The following HIP1 variants were observed in gnomAD, a reference collection of about 807,000 sequenced individuals.
HIP1 encodes huntingtin-interacting protein 1.
In HIP1, 65 loss-of-function variants were observed where a neutral mutation model predicts 147.6. That is an observed-to-expected ratio of 0.44 (90% CI 0.36 to 0.54). HIP1 has a LOEUF of 0.54. HIP1 is among the 20% of genes least tolerant of loss of function. The pLI, the probability that HIP1 is intolerant of heterozygous loss-of-function variation, is 0.00. For missense variants in HIP1, 1,061 were observed against 1,299.6 expected (o/e 0.82, Z 2.82); for synonymous variants, 479 against 504.0 (o/e 0.95, Z 0.67).
At chr7:75,554,046 A>C (rs587774574) in intron 21 of HIP1, 67 bp downstream of exon 21, 1 of 1,254,564 alleles carries the variant, frequency 8.0e-7, no homozygotes, top group South Asian at 1.2e-5. Flanking sequence ...CGCCCGGCCC[A>C]ACAGAGACTT....
intron 1 of HIP1, among the ~76,000 whole-genome samples, chr7:75,722,257 C>T (rs1409558547): frequency 1.3e-5 from 2 of 152,210 alleles, no homozygotes; most frequent in Non-Finnish European, 1.5e-5. Context: ...CTGCAGTGAA[C>T]CGTAATTATG....
At chr7:75,610,828 T>G (rs1459329611) in intron 1 of HIP1, among the ~76,000 whole-genome samples, 1 of 148,418 alleles carries the variant, frequency 6.7e-6, no homozygotes, top group African/African-American at 2.5e-5. Flanking sequence ...CATGGTAAGA[T>G]CCCATCACTA....
intron 1 of HIP1, among the ~76,000 whole-genome samples, chr7:75,624,020 G>GCA (rs1797945848): frequency 6.6e-6 from 1 of 152,196 alleles, no homozygotes; most frequent in Non-Finnish European, 1.5e-5. Context: ...GGTCAACGCT[G>GCA]CAGTGAGCTA....
chr7:75,670,786 C>CTTTTTTTTTT lies in HIP1; in HGVS notation c.120+68005_120+68014dup, dbSNP rs782710876. Among the ~76,000 whole-genome samples, 191 of 122,820 alleles carry CTTTTTTTTTT rather than the reference C, an allele frequency of 1.6e-3. 7 individuals carry two copies. The highest frequency in any genetic ancestry group is 1.9e-3 in the South Asian group (7 of 3,694). The allele number at this position is 122,820 out of a possible 152,430, so 80.6% of individuals were successfully genotyped here. ...GCTCACTGTACTCAGCTAATTAAAA[C>CTTTTTTTTTT]TTTTTTTTTTTTTTTGGTAGAGATA... On this transcript the variant is annotated intron_variant, in intron 1 of 30. Transcript: ENST00000336926.
intron 1 of HIP1, among the ~76,000 whole-genome samples, chr7:75,623,678 C>A (rs587594323): frequency 8.5e-5 from 13 of 152,318 alleles, no homozygotes; most frequent in African/African-American, 2.9e-4. Flanking sequence ...ACTAAGCCAG[C>A]CTCCGCCTCC....
intron 1 of HIP1, among the ~76,000 whole-genome samples, chr7:75,724,745 C>T (rs1041503475): frequency 2.0e-5 from 3 of 152,130 alleles, no homozygotes; most frequent in Non-Finnish European, 2.9e-5. Context: ...ACACAAGACA[C>T]GAATGAATGG....
At chr7:75,676,252 T>G (rs950424250) in intron 1 of HIP1, among the ~76,000 whole-genome samples, 4 of 152,164 alleles carry the variant, frequency 2.6e-5, no homozygotes, top group Non-Finnish European at 4.4e-5. Flanking sequence ...TTCCTTAACC[T>G]CTTGGAACCA....
chr7:75,718,527 G>A (rs1801391202), intron 1 of HIP1, among the ~76,000 whole-genome samples: 1 of 152,090 alleles, frequency 6.6e-6, no homozygotes, highest in South Asian at 2.1e-4. Context: ...AAAATAAAAC[G>A]CAAAACAAAC....
rs1166583172 is a variant in HIP1, at chr7:75,535,745, CTT to C, written c.*2425_*2426del. 4 of 169,478 alleles carry C rather than the reference CTT, an allele frequency of 2.4e-5. No individual in the cohort carries two copies. The highest frequency in any genetic ancestry group is 9.7e-5 in the African/African-American group (4 of 41,118). The allele number at this position is 169,478 out of a possible 1,614,324, so 10.5% of individuals were successfully genotyped here. A position where few individuals can be genotyped will look rare whatever the true frequency, so the allele number is the denominator to read the frequency against. ...TTTTTTTTTGAGACGGAGTTTTGCT[CTT>C]GTTGCCCAGGCTGGAGTACAATGGC... On this transcript the variant is annotated 3_prime_UTR_variant, in exon 31 of 31. Transcript: ENST00000336926.
chr7:75,546,724 G>T (rs587650744), intron 25 of HIP1, among the ~76,000 whole-genome samples: 7 of 152,294 alleles, frequency 4.6e-5, no homozygotes, highest in Non-Finnish European at 1.0e-4. Flanking sequence ...CTGCCTGTGC[G>T]AAGGGAGCTG....
intron 1 of HIP1, among the ~76,000 whole-genome samples, chr7:75,652,061 A>G (rs1175110035): frequency 6.6e-6 from 1 of 150,940 alleles, no homozygotes; most frequent in Non-Finnish European, 1.5e-5. Flanking sequence ...CACACCTGGA[A>G]TCCTAGCAAT....
At chr7:75,540,113 T>G (rs1157549894) in intron 29 of HIP1, among the ~76,000 whole-genome samples, 2 of 152,148 alleles carry the variant, frequency 1.3e-5, no homozygotes, top group African/African-American at 4.8e-5. Flanking sequence ...TTAATGTAAT[T>G]TATTTTATTT....
chr7:75,633,830 T>C (rs1554509279), intron 1 of HIP1, among the ~76,000 whole-genome samples: 1 of 152,160 alleles, frequency 6.6e-6, no homozygotes, highest in Non-Finnish European at 1.5e-5. Context: ...CTGCCATCAA[T>C]ATCATTTACT....
At chr7:75,633,010 G>A (rs587749293) in intron 1 of HIP1, among the ~76,000 whole-genome samples, 1 of 152,284 alleles carries the variant, frequency 6.6e-6, no homozygotes, top group South Asian at 2.1e-4. Context: ...CTGTCAGAGG[G>A]TGGGGAGGGA....
intron 1 of HIP1, among the ~76,000 whole-genome samples, chr7:75,725,639 G>A (rs1003728801): frequency 2.6e-5 from 4 of 152,080 alleles, no homozygotes; most frequent in Non-Finnish European, 4.4e-5. Context: ...TGTTTGCAGC[G>A]TTCATCCGTG....
intron 2 of HIP1, among the ~76,000 whole-genome samples, chr7:75,598,228 T>G (rs200476563): frequency 6.6e-6 from 1 of 151,844 alleles, no homozygotes; most frequent in East Asian, 1.9e-4. Context: ...AAAACCCCGG[T>G]CCTACTAAAA....
intron 5 of HIP1, among the ~76,000 whole-genome samples, chr7:75,585,802 A>C (rs1796248747): frequency 6.6e-6 from 1 of 150,870 alleles, no homozygotes; most frequent in East Asian, 1.9e-4. Context: ...CACACTATCC[A>C]TTGTGTCACC....
chr7:75,658,386 G>A lies in HIP1; in HGVS notation c.121-59139C>T, dbSNP rs149987784. Among the ~76,000 whole-genome samples, 79 of 152,216 alleles carry A rather than the reference G, an allele frequency of 5.2e-4. No individual in the cohort carries two copies. In the East Asian group the frequency reaches 8.7e-3, roughly 17 times the overall value. On this transcript the variant is annotated intron_variant, in intron 1 of 30. Transcript: ENST00000336926. ...ATTACAGGCGTGAGCCACTGTATCC[G>A]GCCTCTTCTTCATTTTTTGAAGGAA...
intron 1 of HIP1, among the ~76,000 whole-genome samples, chr7:75,660,209 T>C (rs1799268502): frequency 1.7e-5 from 2 of 116,158 alleles, no homozygotes; most frequent in Admixed American, 1.7e-4. Context: ...TAAGATACGA[T>C]ACGTGGTAAA....
Sources: gnomAD v4.1 joint callset for allele counts (sites outside exome capture counted in the v4.1 genomes callset) on GRCh38, gnomAD v4.1.1 for gene constraint, MANE v1.5 for transcripts, NCBI Gene and HGNC (gene_info 2026-07-23, HGNC 2026-07-21) for gene names.